GPHN: variants seen among roughly 807,000 people sequenced by gnomAD.
The protein encoded by GPHN is gephyrin.
In GPHN, 17 loss-of-function variants were observed where a neutral mutation model predicts 95.5. The observed-to-expected ratio is 0.18, with a 90% CI of 0.12 to 0.27. The LOEUF (loss-of-function observed/expected upper bound fraction) is 0.27. Among genes scored for constraint, GPHN ranks in the 10% least tolerant of loss-of-function variants. GPHN has a pLI of 1.00. For missense variants in GPHN, 660 were observed against 978.1 expected (o/e 0.67, Z 4.34); for synonymous variants, 320 against 322.5 (o/e 0.99, Z 0.08).
chr14:66,523,516 C>T (rs2139838074), intron 1 of GPHN, among the ~76,000 whole-genome samples: 1 of 152,044 alleles, frequency 6.6e-6, no homozygotes, highest in South Asian at 2.1e-4. Context: ...CTTTGATGAA[C>T]AATATTATGT....
the GPHN span, among the ~76,000 whole-genome samples, chr14:67,469,425 T>C: frequency 6.7e-6 from 1 of 148,726 alleles, no homozygotes; most frequent in Admixed American, 6.7e-5. Flanking sequence ...TATAAGTGTG[T>C]GCCACCATGC....
chr14:67,307,688 A>G, the GPHN span, among the ~76,000 whole-genome samples: 3 of 152,336 alleles, frequency 2.0e-5, no homozygotes, highest in Non-Finnish European at 2.9e-5. Context: ...GCTTGGTGCT[A>G]TAAAGGCTTT....
chr14:67,675,745 C>T, the GPHN span, among the ~76,000 whole-genome samples: 1 of 151,992 alleles, frequency 6.6e-6, no homozygotes, highest in Admixed American at 6.6e-5. Flanking sequence ...GTCTCATCTG[C>T]CACTAAGTGT....
chr14:67,690,331 AG>A, the GPHN span: 1 of 1,614,078 alleles, frequency 6.2e-7, no homozygotes, highest in Non-Finnish European at 8.5e-7. Flanking sequence ...GATCCTTCCC[AG>A]GTGATGTGCG....
the GPHN span, among the ~76,000 whole-genome samples, chr14:67,250,200 T>C: frequency 6.6e-6 from 1 of 152,208 alleles, no homozygotes; most frequent in African/African-American, 2.4e-5. Context: ...CCACTCTTCC[T>C]TCCTCCAGGA....
the GPHN span, chr14:67,562,700 C>G: frequency 6.2e-7 from 1 of 1,612,788 alleles, no homozygotes; most frequent in Non-Finnish European, 8.5e-7. Flanking sequence ...CTCAGCCCTC[C>G]ACCCCTCTGG....
At chr14:66,574,630 A>T (rs1211662285) in intron 1 of GPHN, among the ~76,000 whole-genome samples, 1 of 152,160 alleles carries the variant, frequency 6.6e-6, no homozygotes, top group African/African-American at 2.4e-5. Context: ...CATATAGGGA[A>T]TTGGTAAAGC....
At chr14:66,543,323 A>T (rs2059419222) in intron 1 of GPHN, among the ~76,000 whole-genome samples, 1 of 152,202 alleles carries the variant, frequency 6.6e-6, no homozygotes, top group South Asian at 2.1e-4. Context: ...TTAATTTCTC[A>T]ATAGTCATCA....
chr14:67,512,101 A>T, the GPHN span, among the ~76,000 whole-genome samples: 1 of 152,198 alleles, frequency 6.6e-6, no homozygotes, highest in South Asian at 2.1e-4. Flanking sequence ...AGTATAACCT[A>T]TGGATCTACT....
chr14:66,902,329 C>T (rs1027615036), intron 5 of GPHN, among the ~76,000 whole-genome samples: 4 of 151,966 alleles, frequency 2.6e-5, no homozygotes, highest in South Asian at 2.1e-4. Flanking sequence ...AGTCTACTTT[C>T]ACTTCTTCTC....
the GPHN span, chr14:67,292,620 C>CCAGAATGCATTT: frequency 6.2e-7 from 1 of 1,613,664 alleles, no homozygotes; most frequent in Non-Finnish European, 8.5e-7. Context: ...ATAAGGATTT[C>CCAGAATGCATTT]CAGAATGCAT....
chr14:67,283,411 A>G, the GPHN span, among the ~76,000 whole-genome samples: 1 of 152,194 alleles, frequency 6.6e-6, no homozygotes, highest in South Asian at 2.1e-4. Flanking sequence ...GTGTGATTGT[A>G]AACTTTTTTA....
At chr14:66,626,974 G>T (rs2063550662) in intron 1 of GPHN, among the ~76,000 whole-genome samples, 1 of 151,898 alleles carries the variant, frequency 6.6e-6, no homozygotes, top group Non-Finnish European at 1.5e-5. Flanking sequence ...ATTGAGATTT[G>T]CTTTATTGGG....
intron 5 of GPHN, among the ~76,000 whole-genome samples, chr14:66,882,020 T>A (rs544938025): frequency 3.3e-4 from 50 of 151,990 alleles, no homozygotes; most frequent in African/African-American, 1.2e-3. Flanking sequence ...AAAGCCTTTT[T>A]AAAAATTATT....
the GPHN span, among the ~76,000 whole-genome samples, chr14:67,422,093 G>A: frequency 6.6e-6 from 1 of 152,170 alleles, no homozygotes; most frequent in Admixed American, 6.5e-5. Flanking sequence ...CTGAGAGCAT[G>A]CTTTTGATGT....
chr14:67,449,028 CAGG>C, the GPHN span, among the ~76,000 whole-genome samples: 3 of 152,172 alleles, frequency 2.0e-5, no homozygotes, highest in African/African-American at 7.2e-5. Flanking sequence ...AGCCCAACTT[CAGG>C]AGGAGCTTCT....
chr14:66,842,294 T>G (rs1455446359), intron 4 of GPHN, among the ~76,000 whole-genome samples: 4 of 152,088 alleles, frequency 2.6e-5, no homozygotes, highest in African/African-American at 9.7e-5. Context: ...GTAGGTAGTT[T>G]CTAGTAATCT....
chr14:66,716,891 TC>T, intron 2 of GPHN, among the ~76,000 whole-genome samples: 1 of 152,324 alleles, frequency 6.6e-6, no homozygotes, highest in African/African-American at 2.4e-5. Flanking sequence ...CTGTGGTTAA[TC>T]TAAGTTTCCC....
At chr14:66,984,825 A>G (rs1027517891) in intron 9 of GPHN, among the ~76,000 whole-genome samples, 21 of 151,048 alleles carry the variant, frequency 1.4e-4, no homozygotes, top group African/African-American at 4.6e-4. Context: ...GAAGCTTCCT[A>G]TCCCCTTTGC....
Sources: allele counts gnomAD v4.1 joint callset (sites outside exome capture counted in the v4.1 genomes callset), GRCh38; gene constraint gnomAD v4.1.1; transcripts MANE v1.5; gene names NCBI Gene and HGNC (gene_info 2026-07-23, HGNC 2026-07-21).